Variants in INTU observed in about 807,000 individuals in gnomAD.
The protein encoded by INTU is protein inturned.
INTU carries 68 observed loss-of-function variants against 100.5 expected under a neutral mutation model. The observed-to-expected ratio is 0.68, with a 90% CI of 0.56 to 0.83. The LOEUF (loss-of-function observed/expected upper bound fraction) is 0.83, where lower values mean the gene tolerates loss of function less well. Among genes scored for constraint, INTU ranks in the 40% least tolerant of loss-of-function variants. The pLI, the probability that INTU is intolerant of heterozygous loss-of-function variation, is 0.00. For synonymous variants in INTU, 357 were observed against 395.7 expected, an observed-to-expected ratio of 0.90 and a Z score of 1.16; for missense variants, 1,071 against 1,114.7, an observed-to-expected ratio of 0.96 and a Z score of 0.56.
chr4:127,671,813 A>G (rs1438389588), intron 5 of INTU, among the ~76,000 whole-genome samples: 1 of 151,980 alleles, frequency 6.6e-6, no homozygotes, highest in Non-Finnish European at 1.5e-5. Flanking sequence ...TAAATAAATA[A>G]ATGGAATAAA....
In INTU at chr4:127,720,348, TTTG is replaced by T. The variant is rs1182323576; in HGVS notation, c.*3915_*3917del. The T allele has an allele frequency of 1.3e-5, 2 of 152,322 alleles. No homozygotes were observed. The highest frequency in any genetic ancestry group is 1.5e-5 in the Non-Finnish European group (1 of 68,030). The allele number at this position is 152,322 out of a possible 1,614,324, so 9.4% of individuals were successfully genotyped here. A position where few individuals can be genotyped will look rare whatever the true frequency, so the allele number is the denominator to read the frequency against. ...GATTGCGCTGTGATCTGAGAGACTGTTTGTTATTACTTCAGTTCTTTAGCATTT... is the reference window on the plus strand; with the variant it reads ...GATTGCGCTGTGATCTGAGAGACTGTTTATTACTTCAGTTCTTTAGCATTT... On this transcript the variant is annotated 3_prime_UTR_variant, in exon 16 of 16. Coordinates refer to ENST00000335251, the MANE Select transcript of INTU (RefSeq NM_015693.4).
In INTU at chr4:127,723,107, T is replaced by C. The variant is rs1731370270; in HGVS notation, c.*6671T>C. 1 of 152,172 alleles carries C rather than the reference T, an allele frequency of 6.6e-6. No homozygotes were observed. Among genetic ancestry groups the C allele is most frequent in the Admixed American group, 6.5e-5 (1 of 15,284 alleles). The allele number at this position is 152,172 out of a possible 1,614,324, so 9.4% of individuals were successfully genotyped here. On this transcript the variant is annotated 3_prime_UTR_variant, in exon 16 of 16. Coordinates refer to ENST00000335251, the MANE Select transcript of INTU (RefSeq NM_015693.4). ...CTGATCTACAAGTTGCAAGGATCTG[T>C]GGGAAAAGCCTGGTTTTCAGGGAGG...
chr4:127,669,120 A>G lies in INTU; in HGVS notation c.1057A>G (p.Met353Val), dbSNP rs942171585. The G allele has an allele frequency of 1.9e-6, 3 of 1,542,888 alleles. No homozygotes were observed. The highest frequency in any genetic ancestry group is 1.2e-5 in the South Asian group (1 of 81,338). Reference sequence around the variant, plus strand: ...AGGGATTTTTCTCACACTCTGTGACATGCTGGAAAACGTAACTGGGACACA... The same window carrying G: ...AGGGATTTTTCTCACACTCTGTGACGTGCTGGAAAACGTAACTGGGACACA... ...VRGIFLTLCDMLENVTGTQVT... is the reference protein window; with the variant it reads ...VRGIFLTLCDVLENVTGTQVT... The change falls in exon 5 of 16, where the codon ATG becomes GTG. Residue 353 changes from methionine to valine, a missense_variant. Transcript: ENST00000335251.
intron 5 of INTU, among the ~76,000 whole-genome samples, chr4:127,670,936 C>T (rs1430457395): frequency 6.6e-6 from 1 of 151,872 alleles, no homozygotes; most frequent in African/African-American, 2.4e-5. Flanking sequence ...CTGAACCCAT[C>T]TCTCTCACCA....
chr4:127,659,711 A>C (rs747235967), intron 3 of INTU, among the ~76,000 whole-genome samples: 2 of 152,092 alleles, frequency 1.3e-5, no homozygotes, highest in Non-Finnish European at 2.9e-5. Flanking sequence ...GACTGATTTC[A>C]TTTAGTACTG....
chr4:127,640,907 T>G (rs1462204113), intron 1 of INTU, among the ~76,000 whole-genome samples: 2 of 151,844 alleles, frequency 1.3e-5, no homozygotes, highest in African/African-American at 4.8e-5. Context: ...GTAAGAGAAG[T>G]ATTAAGATTG....
intron 5 of INTU, among the ~76,000 whole-genome samples, chr4:127,670,685 C>T (rs1217113927): frequency 6.6e-6 from 1 of 151,952 alleles, no homozygotes; most frequent in Non-Finnish European, 1.5e-5. Context: ...AACTTGGAGG[C>T]ATCACATCAC....
chr4:127,726,508 C>CA lies in INTU; in HGVS notation c.*10076dup, dbSNP rs143934706. 6.6e-6 allele frequency: 1 copy of CA among 152,106 alleles called. No individual in the cohort carries two copies. The highest frequency in any genetic ancestry group is 1.5e-5 in the Non-Finnish European group (1 of 68,018). 9.4% of individuals were successfully genotyped at this position (152,106 alleles called of 1,614,324 possible). On this transcript the variant is annotated 3_prime_UTR_variant, in exon 16 of 16. Coordinates refer to ENST00000335251, the MANE Select transcript of INTU (RefSeq NM_015693.4). ...CAGCTAAATCATACCTGCTACTGTA[C>CA]AAAATGTAGGGGAAAAGCTGAGAAA...
chr4:127,664,022 T>A (rs1728590536), intron 4 of INTU, among the ~76,000 whole-genome samples: 1 of 152,130 alleles, frequency 6.6e-6, no homozygotes, highest in Non-Finnish European at 1.5e-5. Context: ...GACATTTTTA[T>A]CACCTCAAAA....
chr4:127,685,167 T>C (rs1236812717), intron 7 of INTU, among the ~76,000 whole-genome samples: 1 of 152,102 alleles, frequency 6.6e-6, no homozygotes, highest in Admixed American at 6.6e-5. Context: ...TATGCTGTTA[T>C]GCATATTTTT....
At chr4:127,695,739 AAGGAGTGGTGGTAG>A (rs1730355120) in intron 8 of INTU, among the ~76,000 whole-genome samples, 1 of 152,164 alleles carries the variant, frequency 6.6e-6, no homozygotes, top group South Asian at 2.1e-4. Flanking sequence ...TGATGTTGAA[AAGGAGTGGTGGTAG>A]GGGACATCCT....
At chr4:127,657,338 A>G (rs758243786) in intron 3 of INTU, among the ~76,000 whole-genome samples, 19 of 152,172 alleles carry the variant, frequency 1.2e-4, no homozygotes, top group African/African-American at 4.1e-4. Flanking sequence ...TGCAAGTGCT[A>G]TACCTTTTGG....
At chr4:127,652,284 C>A (rs1053660235) in intron 2 of INTU, among the ~76,000 whole-genome samples, 2 of 148,896 alleles carry the variant, frequency 1.3e-5, no homozygotes, top group East Asian at 3.9e-4. Context: ...GAGACGGCAT[C>A]CCTGTCTTGT....
At chr4:127,674,009 C>A in intron 5 of INTU, 115 bp from the exon 6 acceptor site, 1 of 525,490 alleles carries the variant, frequency 1.9e-6, no homozygotes, top group Non-Finnish European at 3.1e-6. Flanking sequence ...AAAGAAATCA[C>A]TTATTAAGTA....
intron 2 of INTU, among the ~76,000 whole-genome samples, chr4:127,644,429 T>C (rs1727478143): frequency 6.6e-6 from 1 of 152,254 alleles, no homozygotes; most frequent in Admixed American, 6.5e-5. Context: ...TACAAAAATA[T>C]ATAATTTATG....
rs550821693 is a variant in INTU, at chr4:127,680,286, G to A, written c.1182-4123G>A. On this transcript the variant is annotated intron_variant, in intron 6 of 15. Transcript: ENST00000335251. The stretch of plus-strand genomic sequence containing the variant: ...AGCATCATCCTGATACCAAAACCTG[G>A]CAGAGACACAACCAAAAAAGAGAAT... Among the ~76,000 whole-genome samples, 11 of 151,838 alleles carry A rather than the reference G, an allele frequency of 7.2e-5. No individual in the cohort carries two copies. In the East Asian group the frequency reaches 2.1e-3, roughly 30 times the overall value.
chr4:127,650,151 A>G (rs1422710006), intron 2 of INTU, among the ~76,000 whole-genome samples: 3 of 152,168 alleles, frequency 2.0e-5, no homozygotes, highest in Admixed American at 1.3e-4. Context: ...ACTATAGCAT[A>G]TTGTGTTATG....
chr4:127,645,903 C>A (rs986822794), intron 2 of INTU, among the ~76,000 whole-genome samples: 2 of 151,890 alleles, frequency 1.3e-5, no homozygotes, highest in Non-Finnish European at 2.9e-5. Flanking sequence ...TTTGGATAGG[C>A]CTGGCGTGGT....
intron 5 of INTU, among the ~76,000 whole-genome samples, chr4:127,673,877 G>A (rs1729048879): frequency 6.6e-6 from 1 of 150,378 alleles, no homozygotes; most frequent in South Asian, 2.1e-4. Flanking sequence ...GATCATAGGT[G>A]TGAGCCACCA....
Sources: gnomAD v4.1 joint callset for allele counts (sites outside exome capture counted in the v4.1 genomes callset) on GRCh38, gnomAD v4.1.1 for gene constraint, MANE v1.5 for transcripts, NCBI Gene and HGNC (gene_info 2026-07-23, HGNC 2026-07-21) for gene names.